COL24A1: variants seen among roughly 807,000 people sequenced by gnomAD.
COL24A1 encodes the protein collagen type XXIV alpha 1 chain.
A neutral mutation model predicts 253.9 loss-of-function variants in COL24A1; 224 were observed. The ratio of observed to expected loss-of-function variants is 0.88; its 90% CI spans 0.79 to 0.99. The LOEUF is 0.99. Among genes scored for constraint, COL24A1 ranks in the 50% least tolerant of loss-of-function variants. The pLI, the probability that COL24A1 is intolerant of heterozygous loss-of-function variation, is 0.00. For missense variants in COL24A1, 2,131 were observed against 2,068.5 expected (o/e 1.03, Z -0.59); for synonymous variants, 685 against 673.7 (o/e 1.02, Z -0.26).
At chr1:86,022,734 A>G in intron 16 of COL24A1, 99 bp downstream of exon 16, 1 of 1,224,720 alleles carries the variant, frequency 8.2e-7, no homozygotes. Context: ...ACTACAAATT[A>G]GACTCCATAA....
chr1:85,927,300 G>T (rs28571037), intron 24 of COL24A1, among the ~76,000 whole-genome samples: 2 of 151,912 alleles, frequency 1.3e-5, no homozygotes, highest in Admixed American at 6.5e-5. Flanking sequence ...TTCCCTTTCC[G>T]AGTCAAAGAA....
intron 1 of COL24A1, among the ~76,000 whole-genome samples, chr1:86,152,943 A>G (rs1238436664): frequency 6.6e-6 from 1 of 151,880 alleles, no homozygotes; most frequent in African/African-American, 2.4e-5. Context: ...AGTCTCCCCA[A>G]CCTCTGCTTG....
At chr1:85,841,126 A>G in intron 42 of COL24A1, 96 bp downstream of exon 42, 1 of 889,030 alleles carries the variant, frequency 1.1e-6, no homozygotes, top group African/African-American at 1.7e-5. Context: ...AACTAACAAA[A>G]GAAAACTCCT....
rs192841521 is a variant in COL24A1 at position 85,992,187 on chromosome 1, C to A, written c.2311-4533G>T. ...AACATGCGGTGTTTGGTTTTTCGTC[C>A]TTGCGATAGTTTGCTGAGAATGATG... On this transcript the variant is annotated intron_variant, in intron 19 of 59. Transcript: ENST00000370571. Among the ~76,000 whole-genome samples, 22 of 152,086 alleles carry A rather than the reference C, an allele frequency of 1.4e-4. No homozygotes were observed. In the East Asian group the frequency reaches 3.7e-3, roughly 25 times the overall value.
chr1:85,898,887 T>G (rs1363003145), intron 28 of COL24A1, among the ~76,000 whole-genome samples: 1 of 152,186 alleles, frequency 6.6e-6, no homozygotes, highest in Non-Finnish European at 1.5e-5. Flanking sequence ...AAGTGACATG[T>G]GGGTAGACAC....
intron 39 of COL24A1, among the ~76,000 whole-genome samples, chr1:85,844,589 G>A (rs1415353616): frequency 6.6e-6 from 1 of 151,848 alleles, no homozygotes; most frequent in Non-Finnish European, 1.5e-5. Flanking sequence ...TAATAAAAGA[G>A]CAAAATATTT....
chr1:86,034,957 A>G (rs374113317), intron 12 of COL24A1, among the ~76,000 whole-genome samples: 6 of 152,160 alleles, frequency 3.9e-5, no homozygotes, highest in East Asian at 3.8e-4. Context: ...ATAAAAATCT[A>G]TCATTAGATT....
At chr1:86,036,113 T>G (rs1698988089) in intron 12 of COL24A1, among the ~76,000 whole-genome samples, 1 of 152,118 alleles carries the variant, frequency 6.6e-6, no homozygotes, top group Non-Finnish European at 1.5e-5. Context: ...ATAATTTAAT[T>G]GAATATCTAC....
intron 28 of COL24A1, among the ~76,000 whole-genome samples, chr1:85,901,587 G>T (rs1464419934): frequency 6.6e-6 from 1 of 151,824 alleles, no homozygotes; most frequent in Non-Finnish European, 1.5e-5. Flanking sequence ...AGGCGGGTGG[G>T]ATCACCTGAG....
At chr1:85,966,303 A>T (rs1307920558) in intron 22 of COL24A1, among the ~76,000 whole-genome samples, 3 of 152,110 alleles carry the variant, frequency 2.0e-5, no homozygotes, top group African/African-American at 4.8e-5. Context: ...TAAGTTTTGG[A>T]CATGTTAGTT....
intron 19 of COL24A1, among the ~76,000 whole-genome samples, chr1:85,989,739 T>C (rs1694068533): frequency 6.6e-6 from 1 of 152,188 alleles, no homozygotes; most frequent in African/African-American, 2.4e-5. Flanking sequence ...TCTGATAATA[T>C]ATACTCTCTT....
At chr1:85,972,956 T>G (rs1342528568) in intron 20 of COL24A1, among the ~76,000 whole-genome samples, 1 of 152,236 alleles carries the variant, frequency 6.6e-6, no homozygotes, top group Non-Finnish European at 1.5e-5. Flanking sequence ...CTGAATTCAG[T>G]TGTGATTGAA....
At chr1:86,131,243 A>G (rs1395763595) in intron 2 of COL24A1, among the ~76,000 whole-genome samples, 1 of 152,034 alleles carries the variant, frequency 6.6e-6, no homozygotes, top group Non-Finnish European at 1.5e-5. Context: ...CATTCTTGAT[A>G]AATGTTTCCA....
At chr1:86,044,561 A>G (rs887576257) in intron 12 of COL24A1, among the ~76,000 whole-genome samples, 2 of 152,212 alleles carry the variant, frequency 1.3e-5, no homozygotes, top group Non-Finnish European at 2.9e-5. Flanking sequence ...ATATATTTTA[A>G]AAGCAATAAA....
At chr1:86,081,903 C>A (rs540447708) in intron 7 of COL24A1, among the ~76,000 whole-genome samples, 28 of 152,272 alleles carry the variant, frequency 1.8e-4, no homozygotes, top group South Asian at 1.7e-3. Flanking sequence ...GAATTATTCT[C>A]AATGCCCTTA....
At chr1:86,106,696 G>A (rs1026125880) in intron 5 of COL24A1, among the ~76,000 whole-genome samples, 1 of 152,048 alleles carries the variant, frequency 6.6e-6, no homozygotes, top group Non-Finnish European at 1.5e-5. Flanking sequence ...AGACCCAGGT[G>A]GCATTTGATA....
chr1:86,154,265 C>G (rs1015275716), intron 1 of COL24A1: 1 of 151,798 alleles, frequency 6.6e-6, no homozygotes, highest in Non-Finnish European at 1.5e-5. Flanking sequence ...CATTAGCTAT[C>G]TTTCCCAAGT....
intron 2 of COL24A1, among the ~76,000 whole-genome samples, chr1:86,139,426 A>C (rs753295726): frequency 1.3e-5 from 2 of 152,216 alleles, no homozygotes; most frequent in Non-Finnish European, 2.9e-5. Flanking sequence ...CCAAAGAACC[A>C]TTAAATGTGT....
chr1:86,111,064 C>T (rs926971318), intron 5 of COL24A1, among the ~76,000 whole-genome samples: 7 of 152,220 alleles, frequency 4.6e-5, no homozygotes, highest in South Asian at 4.1e-4. Context: ...ATTGTACATG[C>T]GCCAATCAGC....
Sources: allele counts gnomAD v4.1 joint callset (sites outside exome capture counted in the v4.1 genomes callset), GRCh38; gene constraint gnomAD v4.1.1; transcripts MANE v1.5; gene names NCBI Gene and HGNC (gene_info 2026-07-23, HGNC 2026-07-21).